The following KAT7 variants were observed in gnomAD, a reference collection of about 807,000 sequenced individuals.
KAT7 encodes the protein lysine acetyltransferase 7, also known as histone acetyltransferase KAT7.
A neutral mutation model predicts 82.1 loss-of-function variants in KAT7; 10 were observed. The ratio of observed to expected loss-of-function variants is 0.12; its 90% CI spans 0.08 to 0.21. KAT7 has a LOEUF of 0.21. KAT7 is among the 10% of genes least tolerant of loss of function. The probability of loss-of-function intolerance (pLI) is 1.00; values close to 1 mark genes in which losing one functional copy is unlikely to be tolerated. For missense variants in KAT7, 378 were observed against 760.9 expected (o/e 0.50, Z 5.92); for synonymous variants, 250 against 262.5 (o/e 0.95, Z 0.46).
At chr17:49,816,580 C>T (rs1325337841) in intron 8 of KAT7, among the ~76,000 whole-genome samples, 1 of 152,050 alleles carries the variant, frequency 6.6e-6, no homozygotes, top group African/African-American at 2.4e-5. Flanking sequence ...CACCCCCTTC[C>T]CCCTTGTATT....
At chr17:49,800,537 T>C (rs571088579) in intron 4 of KAT7, among the ~76,000 whole-genome samples, 2 of 152,306 alleles carry the variant, frequency 1.3e-5, no homozygotes, top group African/African-American at 4.8e-5. Context: ...CTGCTTGCCA[T>C]GCATCAAGAA....
chr17:49,815,788 T>G lies in KAT7; in HGVS notation c.853-15T>G. 6.7e-7 allele frequency: 1 copy of G among 1,491,514 alleles called. No homozygotes were observed. Among genetic ancestry groups the G allele is most frequent in the Non-Finnish European group, 9.3e-7 (1 of 1,069,970 alleles). 92.4% of individuals were successfully genotyped at this position (1,491,514 alleles called of 1,614,324 possible). A position where few individuals can be genotyped will look rare whatever the true frequency, so the allele number is the denominator to read the frequency against. ...CAGAGAGTATCAGAGTATCACGCTC[T>G]GGTTATTTTCCTAGGAACACAGACA... On this transcript the variant is annotated splice_polypyrimidine_tract_variant and intron_variant, in intron 7 of 14. Transcript: ENST00000259021.
intron 13 of KAT7, 149 bp from the exon 14 acceptor site, chr17:49,826,543 AT>A (rs747356945): frequency 3.6e-4 from 227 of 628,384 alleles, no homozygotes; most frequent in Admixed American, 3.5e-3. Flanking sequence ...GGTCAAATGA[AT>A]ACTTTGTAAA....
intron 12 of KAT7, among the ~76,000 whole-genome samples, chr17:49,825,356 G>C (rs532292462): frequency 1.3e-5 from 2 of 152,332 alleles, no homozygotes; most frequent in East Asian, 1.9e-4. Flanking sequence ...ACTAGGTAGT[G>C]AAGTGGCTTC....
intron 7 of KAT7, among the ~76,000 whole-genome samples, chr17:49,814,185 C>T (rs2074204978): frequency 6.6e-6 from 1 of 152,214 alleles, no homozygotes; most frequent in African/African-American, 2.4e-5. Context: ...AGCCAGCACA[C>T]CTGGCCTGTA....
chr17:49,816,360 G>T (rs764322648), intron 8 of KAT7, among the ~76,000 whole-genome samples: 2 of 152,206 alleles, frequency 1.3e-5, no homozygotes, highest in Non-Finnish European at 2.9e-5. Context: ...GCTGTTGTCA[G>T]ATGTTTTAGA....
At chr17:49,797,398 C>A (rs1002879419) in intron 3 of KAT7, among the ~76,000 whole-genome samples, 1 of 152,118 alleles carries the variant, frequency 6.6e-6, no homozygotes, top group African/African-American at 2.4e-5. Context: ...AGTTTGATAT[C>A]AGAATATTCT....
chr17:49,820,320 C>G lies in KAT7; in HGVS notation c.1156-1017C>G, dbSNP rs568484791. 8.6e-5 allele frequency among the ~76,000 whole-genome samples: 13 copies of G among 151,412 alleles called. No homozygotes were observed. In the East Asian group the frequency reaches 2.5e-3, roughly 29 times the overall value. Reference sequence around the variant, plus strand: ...TTTTTTTTTTTGAGACAGAGTCTCGCTCTGTCACTTAGGCTGGAGTGCAGT... The same window carrying G: ...TTTTTTTTTTTGAGACAGAGTCTCGGTCTGTCACTTAGGCTGGAGTGCAGT... On this transcript the variant is annotated intron_variant, in intron 9 of 14. Transcript: ENST00000259021.
At chr17:49,796,141 A>G (rs2073953174) in intron 2 of KAT7, among the ~76,000 whole-genome samples, 1 of 152,194 alleles carries the variant, frequency 6.6e-6, no homozygotes, top group African/African-American at 2.4e-5. Context: ...AAAACTTAAA[A>G]TGCTGCATTC....
intron 3 of KAT7, among the ~76,000 whole-genome samples, chr17:49,797,159 G>C (rs887542212): frequency 2.0e-5 from 3 of 152,050 alleles, no homozygotes; most frequent in Admixed American, 2.0e-4. Flanking sequence ...TGCCTCCCGG[G>C]TTCACGCCAT....
At chr17:49,797,028 G>A in intron 3 of KAT7, 102 bp downstream of exon 3, 1 of 870,592 alleles carries the variant, frequency 1.1e-6, no homozygotes. Context: ...TAATACTTCA[G>A]CTAGATGAAT....
Position 49,788,777 on chromosome 17 carries a change from C to A in KAT7, c.-58C>A. The stretch of plus-strand genomic sequence containing the variant: ...CCGCCACGGAGCCCGCCGGAGCCAC[C>A]GTTCCTGCTGCTGCCGCCGCTGCCC... On this transcript the variant is annotated 5_prime_UTR_variant, in exon 1 of 15. Transcript: ENST00000259021. 1 of 1,551,280 alleles carries A rather than the reference C, an allele frequency of 6.4e-7. No individual in the cohort carries two copies. Among genetic ancestry groups the A allele is most frequent in the Admixed American group, 1.9e-5 (1 of 51,532 alleles).
At chr17:49,795,470 A>T in intron 2 of KAT7, 1 of 241,986 alleles carries the variant, frequency 4.1e-6, no homozygotes. Flanking sequence ...GTTCCAAAGA[A>T]AGGTTCTGTG....
intron 5 of KAT7, 72 bp downstream of exon 5, chr17:49,805,517 C>A: frequency 9.4e-7 from 1 of 1,065,910 alleles, no homozygotes; most frequent in Non-Finnish European, 1.4e-6. Context: ...TTGCTGAACA[C>A]TGGGGATACA....
At chr17:49,806,734 G>A (rs990904790) in intron 5 of KAT7, among the ~76,000 whole-genome samples, 1 of 152,178 alleles carries the variant, frequency 6.6e-6, no homozygotes, top group Admixed American at 6.5e-5. Context: ...ACCATGTAAC[G>A]TTAAGCAGTT....
rs2074328994 is a variant in KAT7 at position 49,823,350 on chromosome 17, G to GTT, written c.1480+57_1480+58dup. On this transcript the variant is annotated intron_variant, in intron 12 of 14. Coordinates refer to ENST00000259021, the MANE Select transcript of KAT7 (RefSeq NM_007067.5). Reference sequence around the variant, plus strand: ...ACAAGGCAGGGACCATGTGAATATTGTTTGTCTTTTTGTCCTGTGGTCTCT... The same window carrying GTT: ...ACAAGGCAGGGACCATGTGAATATTGTTTTTGTCTTTTTGTCCTGTGGTCTCT... The GTT allele has an allele frequency of 7.1e-6, 7 of 982,772 alleles. No homozygotes were observed. In the Admixed American group the frequency reaches 1.2e-4, roughly 17 times the overall value. The allele number at this position is 982,772 out of a possible 1,614,324, so 60.9% of individuals were successfully genotyped here.
In KAT7 at chr17:49,832,091, G is replaced by A. The variant is rs139220653; in HGVS notation, c.*4589G>A. ...CTGCCTCAGCCTCCCAAGTAGCTGG[G>A]ATTACAGGTGCCCACCACCTCGCCT... is the stretch of plus-strand genomic sequence containing the variant. On this transcript the variant is annotated 3_prime_UTR_variant, in exon 15 of 15. Transcript: ENST00000259021. 1,756 of 152,360 alleles carry A rather than the reference G, an allele frequency of 0.012. 12 individuals are homozygous for A. Among genetic ancestry groups the A allele is most frequent in the Middle Eastern group, 0.027 (8 of 296 alleles). 9.4% of individuals were successfully genotyped at this position (152,360 alleles called of 1,614,324 possible).
chr17:49,815,281 T>C (rs2074220397), intron 7 of KAT7: 1 of 152,374 alleles, frequency 6.6e-6, no homozygotes, highest in Non-Finnish European at 1.5e-5. Context: ...TGAAAGAAGT[T>C]ACAAAGGACT....
intron 11 of KAT7, 26 bp from the exon 12 acceptor site, chr17:49,823,176 G>T: frequency 7.8e-7 from 1 of 1,279,348 alleles, no homozygotes. Context: ...CTCATGACGT[G>T]TTCATCTGTT....
Sources: allele counts gnomAD v4.1 joint callset (sites outside exome capture counted in the v4.1 genomes callset), GRCh38; gene constraint gnomAD v4.1.1; transcripts MANE v1.5; gene names NCBI Gene and HGNC (gene_info 2026-07-23, HGNC 2026-07-21).